GRM5: variants seen among roughly 807,000 people sequenced by gnomAD.
The protein encoded by GRM5 is glutamate metabotropic receptor 5.
A neutral mutation model predicts 83.1 loss-of-function variants in GRM5; 19 were observed. The ratio of observed to expected loss-of-function variants is 0.23; its 90% CI spans 0.16 to 0.34. The LOEUF (loss-of-function observed/expected upper bound fraction) is 0.34. GRM5 is among the 10% of genes least tolerant of loss of function. The pLI is 1.00. For synonymous variants in GRM5, 675 were observed against 633.6 expected (o/e 1.07, Z -0.98); for missense variants, 1,160 against 1,588.3 (o/e 0.73, Z 4.58).
At position 88,900,418 on chromosome 11, in the gene GRM5, C is replaced by A. The variant is rs144159403; in HGVS notation, c.662-50263G>T. ...TGTGACAAACTGAAACACAGCACTG[C>A]TTACATATAGATATATAAAGTGGAT... On this transcript the variant is annotated intron_variant, in intron 2 of 9. Coordinates refer to ENST00000305447, the MANE Select transcript of GRM5 (RefSeq NM_001143831.3). Among the ~76,000 whole-genome samples the A allele has an allele frequency of 4.9e-3, 750 of 152,188 alleles. 2 individuals carry two copies. Among genetic ancestry groups the A allele is most frequent in the Non-Finnish European group, 9.0e-3 (609 of 67,980 alleles).
At chr11:88,872,444 A>G (rs1944785727) in intron 2 of GRM5, among the ~76,000 whole-genome samples, 1 of 151,562 alleles carries the variant, frequency 6.6e-6, no homozygotes, top group South Asian at 2.1e-4. Flanking sequence ...AGACCTTTAT[A>G]TTTTTATATA....
In GRM5 at chr11:88,509,001, G is replaced by C. The variant is rs1310926996; in HGVS notation, c.3230C>G (p.Ser1077Cys). The C allele has an allele frequency of 6.3e-7, 1 of 1,578,074 alleles. No homozygotes were observed. The highest frequency in any genetic ancestry group is 8.6e-7 in the Non-Finnish European group (1 of 1,161,428). Residue 1077 changes from serine to cysteine, a missense_variant, in exon 10 of 10, where the codon TCC becomes TGC. This residue lies in a region of GRM5 where 562 missense variants were observed against 532.4 expected (regional missense o/e 1.06). Coordinates refer to ENST00000305447, the MANE Select transcript of GRM5 (RefSeq NM_001143831.3). ...RFTANISELN[S>C]MMLSTAAPSP... is the part of the protein sequence containing the mutation. Reference sequence around the variant, plus strand: ...GGGGGCCGCGGTGGACAGCATCATGGAGTTGAGCTCGCTGATGTTGGCCGT... The same window carrying C: ...GGGGGCCGCGGTGGACAGCATCATGCAGTTGAGCTCGCTGATGTTGGCCGT...
intron 2 of GRM5, among the ~76,000 whole-genome samples, chr11:89,006,412 C>T (rs1940525145): frequency 6.6e-6 from 1 of 152,204 alleles, no homozygotes; most frequent in East Asian, 1.9e-4. Context: ...GTCATTAACT[C>T]TAACTCTCTC....
chr11:88,771,146 C>T (rs953519119), intron 3 of GRM5, among the ~76,000 whole-genome samples: 2 of 152,078 alleles, frequency 1.3e-5, no homozygotes, highest in East Asian at 3.9e-4. Context: ...AGTATGGTAG[C>T]TTCTAGCCCC....
At chr11:88,570,571 A>ATTTTTT (rs1194098388) in intron 7 of GRM5, among the ~76,000 whole-genome samples, 20 of 46,378 alleles carry the variant, frequency 4.3e-4, no homozygotes, top group African/African-American at 1.2e-3. Context: ...ATATATATAT[A>ATTTTTT]TTTTTTTTTT....
chr11:89,002,888 G>C (rs1940424250), intron 2 of GRM5, among the ~76,000 whole-genome samples: 1 of 151,868 alleles, frequency 6.6e-6, no homozygotes, highest in Non-Finnish European at 1.5e-5. Flanking sequence ...TCTCAGTAAG[G>C]CTCACCCAGA....
intron 3 of GRM5, among the ~76,000 whole-genome samples, chr11:88,722,442 T>G (rs534801806): frequency 1.6e-4 from 24 of 152,102 alleles, no homozygotes; most frequent in Admixed American, 9.8e-4. Flanking sequence ...GAGGGAGAAC[T>G]CGGAAGTGAG....
chr11:88,943,719 A>G (rs914702790), intron 2 of GRM5, among the ~76,000 whole-genome samples: 1 of 151,850 alleles, frequency 6.6e-6, no homozygotes. Flanking sequence ...GATCTTAATA[A>G]CATTGAATTT....
chr11:89,033,451 G>A lies in GRM5; in HGVS notation c.661+13761C>T, dbSNP rs570634629. ...GTTAAAATTTATTTCATTTGCCTAT[G>A]ATTAGAAATTGTGTACAATCTACAA... On this transcript the variant is annotated intron_variant, in intron 2 of 9. Coordinates refer to ENST00000305447, the MANE Select transcript of GRM5 (RefSeq NM_001143831.3). Among the ~76,000 whole-genome samples, 15 of 151,996 alleles carry A rather than the reference G, an allele frequency of 9.9e-5. No homozygotes were observed. In the South Asian group the frequency reaches 3.1e-3, roughly 31 times the overall value.
At chr11:89,041,630 G>A (rs1941536654) in intron 2 of GRM5, among the ~76,000 whole-genome samples, 1 of 152,206 alleles carries the variant, frequency 6.6e-6, no homozygotes, top group South Asian at 2.1e-4. Flanking sequence ...TTCTGGAAGG[G>A]AAGAGGAGGG....
intron 3 of GRM5, among the ~76,000 whole-genome samples, chr11:88,701,828 G>T (rs997706164): frequency 1.3e-5 from 2 of 152,108 alleles, no homozygotes; most frequent in East Asian, 3.9e-4. Flanking sequence ...GTTAAGACAA[G>T]GAAGGCTGTT....
intron 7 of GRM5, among the ~76,000 whole-genome samples, chr11:88,578,031 C>T (rs1408195035): frequency 6.6e-6 from 1 of 152,046 alleles, no homozygotes; most frequent in Non-Finnish European, 1.5e-5. Flanking sequence ...TGTGACTCAA[C>T]ATCTGCTAAA....
intron 2 of GRM5, among the ~76,000 whole-genome samples, chr11:89,041,571 G>C (rs1941535317): frequency 6.6e-6 from 1 of 152,144 alleles, no homozygotes; most frequent in Admixed American, 6.5e-5. Context: ...TCTGAAAGAG[G>C]CAATAATAAC....
chr11:88,842,781 G>T (rs1944226713), intron 3 of GRM5, among the ~76,000 whole-genome samples: 2 of 151,792 alleles, frequency 1.3e-5, no homozygotes, highest in Admixed American at 6.6e-5. Flanking sequence ...TCCTTGATTT[G>T]CTATTATCCT....
At chr11:88,666,284 G>T (rs1940041528) in intron 3 of GRM5, among the ~76,000 whole-genome samples, 1 of 152,118 alleles carries the variant, frequency 6.6e-6, no homozygotes, top group Non-Finnish European at 1.5e-5. Context: ...TTTTTATTCG[G>T]CAGGCTAAGA....
chr11:89,044,282 T>TTTC (rs1408482162), intron 2 of GRM5, among the ~76,000 whole-genome samples: 1 of 152,198 alleles, frequency 6.6e-6, no homozygotes, highest in Non-Finnish European at 1.5e-5. Context: ...TGCTTTCTTT[T>TTTC]TTCTTCTTCT....
intron 3 of GRM5, among the ~76,000 whole-genome samples, chr11:88,754,140 G>C (rs1942346841): frequency 6.6e-6 from 1 of 152,272 alleles, no homozygotes; most frequent in Admixed American, 6.5e-5. Flanking sequence ...TCAGGGACAT[G>C]GATGGATTTG....
intron 8 of GRM5, among the ~76,000 whole-genome samples, chr11:88,535,709 G>A (rs1942116583): frequency 6.6e-6 from 1 of 152,048 alleles, no homozygotes; most frequent in Non-Finnish European, 1.5e-5. Context: ...TTCTGAAATT[G>A]TTATAGCATT....
At chr11:89,058,354 T>C (rs534578929) in intron 1 of GRM5, among the ~76,000 whole-genome samples, 4 of 152,306 alleles carry the variant, frequency 2.6e-5, no homozygotes, top group African/African-American at 9.6e-5. Context: ...CACCCCTGGC[T>C]TCTGTTCACT....
Sources: gnomAD v4.1 joint callset for allele counts (sites outside exome capture counted in the v4.1 genomes callset) on GRCh38, gnomAD v4.1.1 for gene constraint, gnomAD v4.1.1 regional missense constraint, MANE v1.5 for transcripts, NCBI Gene and HGNC (gene_info 2026-07-23, HGNC 2026-07-21) for gene names.